The following CNIH3 variants were observed in gnomAD, a reference collection of about 807,000 sequenced individuals.
CNIH3 encodes cornichon family AMPA receptor auxiliary protein 3, also known as protein cornichon homolog 3.
Under a neutral mutation model 24.1 loss-of-function variants are expected in CNIH3, and 14 were observed. The observed-to-expected ratio is 0.58, with a 90% CI of 0.38 to 0.91. CNIH3 has a LOEUF of 0.91. CNIH3 is among the 40% of genes least tolerant of loss of function. CNIH3 has a pLI of 0.00. For missense variants in CNIH3, 178 were observed against 196.8 expected (o/e 0.90, Z 0.57); for synonymous variants, 68 against 73.8 (o/e 0.92, Z 0.40).
chr1:224,617,368 C>T (rs1464589087), intron 1 of CNIH3, 113 bp downstream of exon 1: 2 of 1,162,826 alleles, frequency 1.7e-6, no homozygotes, highest in South Asian at 1.4e-5. Flanking sequence ...GTTGGACCTT[C>T]TGCCGCTCCA....
At chr1:224,515,272 G>A (rs1256147705), upstream of CNIH3, among the ~76,000 whole-genome samples, 1 of 152,160 alleles carries the variant, frequency 6.6e-6, no homozygotes, top group Non-Finnish European at 1.5e-5. Flanking sequence ...GCTTATTTAT[G>A]TGTACTTTTG....
intron 1 of CNIH3, among the ~76,000 whole-genome samples, chr1:224,618,325 T>G (rs1683126491): frequency 6.6e-6 from 1 of 152,220 alleles, no homozygotes; most frequent in South Asian, 2.1e-4. Flanking sequence ...TTAACAGCCT[T>G]GCCCTGCCCA....
intron 3 of CNIH3, among the ~76,000 whole-genome samples, chr1:224,598,370 T>C (rs553735774): frequency 1.3e-4 from 20 of 152,348 alleles, no homozygotes; most frequent in Admixed American, 1.1e-3. Context: ...AAGTGGTTTC[T>C]TGAGATGAAA....
intron 4 of CNIH3, chr1:224,575,439 C>A: frequency 2.3e-6 from 2 of 861,540 alleles, no homozygotes; most frequent in Non-Finnish European, 1.8e-6. Flanking sequence ...TGTTTTCTGT[C>A]TCATTTTTTT....
At chr1:224,475,057 A>G (rs1676525366) in intron 1 of CNIH3, among the ~76,000 whole-genome samples, 1 of 124,506 alleles carries the variant, frequency 8.0e-6, no homozygotes, top group Non-Finnish European at 1.5e-5. Context: ...AAAAAAAAGA[A>G]AAAAAAAAAA....
At chr1:224,718,047 A>G (rs1688517526) in intron 3 of CNIH3, among the ~76,000 whole-genome samples, 1 of 152,228 alleles carries the variant, frequency 6.6e-6, no homozygotes, top group Non-Finnish European at 1.5e-5. Flanking sequence ...CCACTGTTCT[A>G]GGAATTGGGG....
upstream of CNIH3, among the ~76,000 whole-genome samples, chr1:224,614,124 C>A (rs898878149): frequency 6.6e-6 from 1 of 152,108 alleles, no homozygotes; most frequent in Non-Finnish European, 1.5e-5. Context: ...AGGTGATCTG[C>A]CCACCTCGAC....
At chr1:224,690,236 T>C (rs1403918233) in intron 3 of CNIH3, among the ~76,000 whole-genome samples, 3 of 152,250 alleles carry the variant, frequency 2.0e-5, no homozygotes, top group Non-Finnish European at 4.4e-5. Flanking sequence ...AGTCTCACTT[T>C]GTTGTCCAGG....
At chr1:224,575,029 T>C in intron 4 of CNIH3, 1 of 876,054 alleles carries the variant, frequency 1.1e-6, no homozygotes. Flanking sequence ...GAGAAGTTAA[T>C]CCAGTACTGC....
intron 1 of CNIH3, among the ~76,000 whole-genome samples, chr1:224,470,127 T>G (rs1317559660): frequency 6.6e-6 from 1 of 151,756 alleles, no homozygotes; most frequent in Non-Finnish European, 1.5e-5. Flanking sequence ...CATGCCATTT[T>G]CCTGCCTCAG....
intron 3 of CNIH3, among the ~76,000 whole-genome samples, chr1:224,690,353 A>G (rs1429802095): frequency 6.6e-6 from 1 of 152,114 alleles, no homozygotes; most frequent in African/African-American, 2.4e-5. Flanking sequence ...GGCATGCACC[A>G]CCATGCCTGG....
At chr1:224,556,249 G>T (rs549648602) in intron 3 of CNIH3, among the ~76,000 whole-genome samples, 2 of 151,326 alleles carry the variant, frequency 1.3e-5, no homozygotes, top group East Asian at 1.9e-4. Flanking sequence ...GGTTTACTAG[G>T]TAATCTGGAA....
At chr1:224,523,822 G>A (rs1178795126) in intron 2 of CNIH3, among the ~76,000 whole-genome samples, 1 of 152,096 alleles carries the variant, frequency 6.6e-6, no homozygotes, top group African/African-American at 2.4e-5. Context: ...AGGGCAAGAG[G>A]CACATTAGTA....
In CNIH3 at chr1:224,604,603, G is replaced by T. The variant is rs1682338200; in HGVS notation, n.402+38339G>T. Among the ~76,000 whole-genome samples, 1 of 152,320 alleles carries T rather than the reference G, an allele frequency of 6.6e-6. No individual in the cohort carries two copies. Among genetic ancestry groups the T allele is most frequent in the South Asian group, 2.1e-4 (1 of 4,826 alleles). On this transcript the variant is annotated intron_variant and non_coding_transcript_variant, in intron 3 of 7. Coordinates refer to the CNIH3 transcript ENST00000478120. This position sits in a 1 kb window ranked among gnomAD's most constrained non-coding sequence, Gnocchi z 4.4. ...CAGGGAGGCTGGAGCCAGGGATGGGGCTCCCAGACTGTTTAGCTAGAGGAG... is the reference window on the plus strand; with the variant it reads ...CAGGGAGGCTGGAGCCAGGGATGGGTCTCCCAGACTGTTTAGCTAGAGGAG...
At chr1:224,437,560 G>A (rs1674716808) in intron 1 of CNIH3, among the ~76,000 whole-genome samples, 1 of 152,096 alleles carries the variant, frequency 6.6e-6, no homozygotes, top group East Asian at 1.9e-4. Flanking sequence ...TCTGTGTATT[G>A]TTCATATAAG....
At chr1:224,575,298 AC>A in intron 4 of CNIH3, 2 of 1,049,860 alleles carry the variant, frequency 1.9e-6, no homozygotes, top group Middle Eastern at 2.8e-4. Flanking sequence ...CCAGGATATG[AC>A]CACCTTATTC....
At chr1:224,636,809 C>A (rs2125086344) in intron 1 of CNIH3, among the ~76,000 whole-genome samples, 1 of 152,248 alleles carries the variant, frequency 6.6e-6, no homozygotes, top group East Asian at 1.9e-4. Context: ...TTCAGCCAAT[C>A]TCCATATTTA....
intron 1 of CNIH3, among the ~76,000 whole-genome samples, chr1:224,630,099 A>T (rs1683745034): frequency 6.6e-6 from 1 of 152,120 alleles, no homozygotes; most frequent in Admixed American, 6.6e-5. Flanking sequence ...GGTGTTTCCC[A>T]TGATTTTAAG....
chr1:224,524,283 G>A (rs1678759682), intron 2 of CNIH3, among the ~76,000 whole-genome samples: 1 of 152,206 alleles, frequency 6.6e-6, no homozygotes, highest in Non-Finnish European at 1.5e-5. Flanking sequence ...CCCTGCTAGT[G>A]TGAGTCCTTG....
Sources: allele counts gnomAD v4.1 joint callset (sites outside exome capture counted in the v4.1 genomes callset), GRCh38; gene constraint gnomAD v4.1.1; non-coding constraint Gnocchi (gnomAD v3.1); transcripts MANE v1.5; gene names NCBI Gene and HGNC (gene_info 2026-07-23, HGNC 2026-07-21).